TNFAIP3: variants seen among roughly 807,000 people sequenced by gnomAD.
TNFAIP3 encodes the protein TNF alpha induced protein 3.
Under a neutral mutation model 72.4 loss-of-function variants are expected in TNFAIP3, and 9 were observed. That is an observed-to-expected ratio of 0.12 (90% CI 0.07 to 0.22). TNFAIP3 has a LOEUF of 0.22. Among genes scored for constraint, TNFAIP3 ranks in the 10% least tolerant of loss-of-function variants. The probability of loss-of-function intolerance (pLI) is 1.00; values close to 1 mark genes in which losing one functional copy is unlikely to be tolerated. For synonymous variants in TNFAIP3, 339 were observed against 372.6 expected, an observed-to-expected ratio of 0.91 and a Z score of 1.04; for missense variants, 833 against 1,018.7, an observed-to-expected ratio of 0.82 and a Z score of 2.48.
chr6:137,872,235 GT>G (rs1347868371), intron 2 of TNFAIP3, among the ~76,000 whole-genome samples: 1 of 152,118 alleles, frequency 6.6e-6, no homozygotes, highest in Non-Finnish European at 1.5e-5. Flanking sequence ...TTACTGTTTT[GT>G]TTTTTAATCA....
rs1375751831 is a variant in TNFAIP3 at position 137,881,031 on chromosome 6, T to A, written c.2089-4T>A. ...TTAATGATCTGCCTGTTCTTTCCACTCAGAGATCGAGCCAGCGCAGAGATG... is the reference window on the plus strand; with the variant it reads ...TTAATGATCTGCCTGTTCTTTCCACACAGAGATCGAGCCAGCGCAGAGATG... On this transcript the variant is annotated splice_polypyrimidine_tract_variant and splice_region_variant and intron_variant, in intron 8 of 8. Transcript: ENST00000612899. The surrounding 1 kb of genome is among the most constrained non-coding windows in gnomAD (Gnocchi z 5.0). The A allele has an allele frequency of 6.3e-7, 1 of 1,586,210 alleles. No homozygotes were observed. The highest frequency in any genetic ancestry group is 8.6e-7 in the Non-Finnish European group (1 of 1,163,786).
Position 137,879,127 on chromosome 6 carries a change from A to G in TNFAIP3, c.1682A>G (p.Gln561Arg). 1 of 1,614,144 alleles carries G rather than the reference A, an allele frequency of 6.2e-7. No homozygotes were observed. The highest frequency in any genetic ancestry group is 8.5e-7 in the Non-Finnish European group (1 of 1,180,026). The change falls in exon 7 of 9, where the codon CAG becomes CGG. Residue 561 changes from glutamine (Q) to arginine (R), a missense_variant. By Grantham distance (43) the Gln-to-Arg change is conservative. Coordinates refer to ENST00000612899, the MANE Select transcript of TNFAIP3 (RefSeq NM_001270508.2). ...ACCAGCCTCCCTCCTTCCTGTCACC[A>G]GCGTTCCAAGTCAGATCCCTCGCGG... is the stretch of plus-strand genomic sequence containing the variant. ...LSTSLPPSCHQRSKSDPSRLV... is the reference protein window; with the variant it reads ...LSTSLPPSCHRRSKSDPSRLV...
intron 1 of TNFAIP3, among the ~76,000 whole-genome samples, chr6:137,868,930 C>G (rs527552976): frequency 5.3e-4 from 80 of 152,196 alleles, no homozygotes; most frequent in Admixed American, 5.2e-3. Context: ...GTTTACAGCT[C>G]TCACTATTTT....
At chr6:137,874,556 T>C (rs643177) in intron 2 of TNFAIP3, among the ~76,000 whole-genome samples, 107,860 of 152,128 alleles carry the variant, frequency 0.71, 38,488 homozygotes, top group East Asian at 0.91. Context: ...AGGAATTTCC[T>C]CCAGGTCACC....
At chr6:137,879,435 G>A (rs976422219) in intron 7 of TNFAIP3, 84 bp downstream of exon 7, 1 of 1,461,876 alleles carries the variant, frequency 6.8e-7, no homozygotes, top group Non-Finnish European at 9.2e-7. Context: ...AAAAGCCCAT[G>A]TAGGCAGTCA....
At position 137,878,587 on chromosome 6, in the gene TNFAIP3, C is replaced by A; in HGVS notation, c.1142C>A (p.Ser381Tyr). Residue 381 changes from serine (S) to tyrosine (Y), a missense_variant, in exon 7 of 9, where the codon TCT (serine) becomes TAT (tyrosine). Physicochemically the swap from Ser to Tyr is moderately radical, Grantham distance 144. This residue lies in a region of TNFAIP3 where 587 missense variants were observed against 657.8 expected (regional missense o/e 0.89). Transcript: ENST00000612899. ...NPMEPSVPQL[S>Y]LMDVKCETPN... ...ATGGAACCTTCCGTGCCCCAGCTTT[C>A]TCTCATGGATGTAAAATGTGAAACG... 6.2e-7 allele frequency: 1 copy of A among 1,614,262 alleles called. No individual in the cohort carries two copies. Among genetic ancestry groups the A allele is most frequent in the Non-Finnish European group, 8.5e-7 (1 of 1,180,040 alleles).
intron 4 of TNFAIP3, 65 bp from the exon 5 acceptor site, chr6:137,875,928 ACAG>A (rs1776230294): frequency 6.2e-7 from 1 of 1,600,522 alleles, no homozygotes; most frequent in Admixed American, 1.7e-5. Flanking sequence ...AGTTCAGGTA[ACAG>A]AGTTCAATGG....
intron 7 of TNFAIP3, 36 bp from the exon 8 acceptor site, chr6:137,880,035 C>A (rs1776392927): frequency 6.2e-7 from 1 of 1,604,464 alleles, no homozygotes; most frequent in East Asian, 2.2e-5. Context: ...TGGGGTGACC[C>A]CTATGTGGTA....
At chr6:137,875,913 G>A (rs2114483974) in intron 4 of TNFAIP3, 78 bp downstream of exon 4, 4 of 1,601,928 alleles carry the variant, frequency 2.5e-6, no homozygotes, top group Non-Finnish European at 3.4e-6. Context: ...AAACCACACT[G>A]CCAAAGTTCA....
At position 137,882,971 on chromosome 6, in the gene TNFAIP3, C is replaced by T. The variant is rs2114525398; in HGVS notation, c.*1652C>T. The T allele has an allele frequency of 8.9e-6, 2 of 224,408 alleles. No individual in the cohort carries two copies. Among genetic ancestry groups the T allele is most frequent in the East Asian group, 6.5e-5 (1 of 15,276 alleles). 13.9% of individuals were successfully genotyped at this position (224,408 alleles called of 1,614,324 possible). A position where few individuals can be genotyped will look rare whatever the true frequency, so the allele number is the denominator to read the frequency against. On this transcript the variant is annotated 3_prime_UTR_variant, in exon 9 of 9. Transcript: ENST00000612899. ...AATATTTGTGATCCATAACTCTACA[C>T]AGCCTTTACTCATACTATTAGGCAC...
At chr6:137,870,821 C>G (rs1776033155) in intron 1 of TNFAIP3, among the ~76,000 whole-genome samples, 1 of 152,178 alleles carries the variant, frequency 6.6e-6, no homozygotes, top group South Asian at 2.1e-4. Flanking sequence ...GCATCCAGTA[C>G]TCCCCAAATC....
In TNFAIP3 at chr6:137,879,954, A is replaced by G. The variant is rs916619756; in HGVS notation, c.1907-117A>G. The G allele has an allele frequency of 5.4e-6, 4 of 739,324 alleles. No homozygotes were observed. In the African/African-American group the frequency reaches 7.1e-5, roughly 13 times the overall value. 45.8% of individuals were successfully genotyped at this position (739,324 alleles called of 1,614,324 possible). On this transcript the variant is annotated intron_variant, in intron 7 of 8. Coordinates refer to ENST00000612899, the MANE Select transcript of TNFAIP3 (RefSeq NM_001270508.2). ...TAAACATATACATATATATATTTCT[A>G]TACATTTAAGGCTGGCCTAATCTGT...
At position 137,879,148 on chromosome 6, in the gene TNFAIP3, C is replaced by G; in HGVS notation, c.1703C>G (p.Ser568Trp). ...SCHQRSKSDPSRLVRSPSPHS... is the reference protein window; with the variant it reads ...SCHQRSKSDPWRLVRSPSPHS... ...CACCAGCGTTCCAAGTCAGATCCCT[C>G]GCGGCTCGTCCGGAGCCCCTCCCCG... is the stretch of plus-strand genomic sequence containing the variant. The change falls in exon 7 of 9, where the codon TCG becomes TGG. Residue 568 changes from serine (S) to tryptophan (W), a missense_variant. This residue lies in a region of TNFAIP3 where 587 missense variants were observed against 657.8 expected (regional missense o/e 0.89). Coordinates refer to ENST00000612899, the MANE Select transcript of TNFAIP3 (RefSeq NM_001270508.2). 6.2e-7 allele frequency: 1 copy of G among 1,614,132 alleles called. No homozygotes were observed. Among genetic ancestry groups the G allele is most frequent in the Non-Finnish European group, 8.5e-7 (1 of 1,180,034 alleles).
chr6:137,880,804 C>T (rs987065054), intron 8 of TNFAIP3, among the ~76,000 whole-genome samples: 1 of 152,108 alleles, frequency 6.6e-6, no homozygotes, highest in African/African-American at 2.4e-5. Flanking sequence ...TTAGGCTTGG[C>T]GGTTTTCCTC....
Position 137,881,354 on chromosome 6 carries a change from G to A in TNFAIP3, c.*35G>A. The A allele has an allele frequency of 6.6e-7, 1 of 1,519,682 alleles. No homozygotes were observed. The highest frequency in any genetic ancestry group is 1.4e-5 in the African/African-American group (1 of 71,950). 94.1% of individuals were successfully genotyped at this position (1,519,682 alleles called of 1,614,324 possible). ...GGTGGGTCACCTCCTGCAAGAAGTG[G>A]GGCCTCGAGCTGTCAGTCATCATGG... On this transcript the variant is annotated 3_prime_UTR_variant, in exon 9 of 9. Transcript: ENST00000612899. This position sits in a 1 kb window ranked among gnomAD's most constrained non-coding sequence, Gnocchi z 5.0.
intron 6 of TNFAIP3, 23 bp from the exon 7 acceptor site, chr6:137,878,409 T>C: frequency 6.3e-7 from 1 of 1,580,710 alleles, no homozygotes; most frequent in Non-Finnish European, 8.6e-7. Context: ...TTCTCATACA[T>C]ATTTTTTCCT....
At position 137,875,856 on chromosome 6, in the gene TNFAIP3, G is replaced by A. The variant is rs201927262; in HGVS notation, c.634+21G>A. The A allele has an allele frequency of 3.0e-5, 48 of 1,613,824 alleles. No individual in the cohort carries two copies. In the East Asian group the frequency reaches 5.8e-4, roughly 19 times the overall value. On this transcript the variant is annotated intron_variant, in intron 4 of 8. Coordinates refer to ENST00000612899, the MANE Select transcript of TNFAIP3 (RefSeq NM_001270508.2). ...TTCAGGTGAGATGCCTGCAGATCACGGATCTGTACTTAAATGCTTTCAGCC... is the reference window on the plus strand; with the variant it reads ...TTCAGGTGAGATGCCTGCAGATCACAGATCTGTACTTAAATGCTTTCAGCC...
Position 137,878,683 on chromosome 6 carries a change from A to G in TNFAIP3, c.1238A>G (p.Lys413Arg), listed in dbSNP as rs1776331369. 1 of 1,614,162 alleles carries G rather than the reference A, an allele frequency of 6.2e-7. No homozygotes were observed. Among genetic ancestry groups the G allele is most frequent in the South Asian group, 1.1e-5 (1 of 91,080 alleles). Residue 413 changes from lysine to arginine, a missense_variant, in exon 7 of 9, where the codon AAG becomes AGG. Lys to Arg is a conservative substitution (Grantham distance 26). Around this residue, in one of 2 missense-constraint regions of TNFAIP3, gnomAD observed 587 missense variants for 657.8 expected, o/e 0.89. Transcript: ENST00000612899. ...LCHECSERRQ[K>R]NQNKLPKLNS... ...CATGAGTGCTCAGAGAGGCGGCAAA[A>G]GAATCAAAACAAACTCCCAAAGCTG...
At position 137,871,481 on chromosome 6, in the gene TNFAIP3, G is replaced by C; in HGVS notation, c.254G>C (p.Trp85Ser). The C allele has an allele frequency of 6.2e-7, 1 of 1,614,182 alleles. No homozygotes were observed. The highest frequency in any genetic ancestry group is 8.5e-7 in the Non-Finnish European group (1 of 1,180,026). ...CTGGAAAGCCAGAAGAAACTCAACT[G>C]GTGTCGAGAAGTCCGGAAGCTTGTG... ...ATLESQKKLN[W>S]CREVRKLVAL... The change falls in exon 2 of 9, where the codon TGG becomes TCG. Residue 85 changes from tryptophan (W) to serine (S), a missense_variant. Coordinates refer to ENST00000612899, the MANE Select transcript of TNFAIP3 (RefSeq NM_001270508.2). The surrounding 1 kb of genome is among the most constrained non-coding windows in gnomAD (Gnocchi z 4.2).
Sources: gnomAD v4.1 joint callset for allele counts (sites outside exome capture counted in the v4.1 genomes callset) on GRCh38, gnomAD v4.1.1 for gene constraint, gnomAD v4.1.1 regional missense constraint, Gnocchi (gnomAD v3.1) non-coding constraint, MANE v1.5 for transcripts, NCBI Gene and HGNC (gene_info 2026-07-23, HGNC 2026-07-21) for gene names.